KCNC4: variants seen among roughly 807,000 people sequenced by gnomAD.
KCNC4 encodes voltage-gated potassium channel KCNC4.
In KCNC4, 23 loss-of-function variants were observed where a neutral mutation model predicts 42.8. The ratio of observed to expected loss-of-function variants is 0.54; its 90% CI spans 0.39 to 0.76. The LOEUF (loss-of-function observed/expected upper bound fraction) is 0.76, where lower values mean the gene tolerates loss of function less well. Among genes scored for constraint, KCNC4 ranks in the 30% least tolerant of loss-of-function variants. The pLI, the probability that KCNC4 is intolerant of heterozygous loss-of-function variation, is 0.00. For missense variants in KCNC4, 751 were observed against 898.2 expected, an observed-to-expected ratio of 0.84 and a Z score of 2.10; for synonymous variants, 422 against 393.5, an observed-to-expected ratio of 1.07 and a Z score of -0.86.
chr1:110,210,821 C>A lies in KCNC4; in HGVS notation c.-679C>A, dbSNP rs1014325390. Among the ~76,000 whole-genome samples the A allele has an allele frequency of 6.6e-6, 1 of 151,910 alleles. No homozygotes were observed. The highest frequency in any genetic ancestry group is 1.5e-5 in the Non-Finnish European group (1 of 67,936). Reference sequence around the variant, plus strand: ...CTGCCGCCTCGCCCTGCGCAGCCCCCGCCCGCCCGGCCGCCGCTCTCTGCT... The same window carrying A: ...CTGCCGCCTCGCCCTGCGCAGCCCCAGCCCGCCCGGCCGCCGCTCTCTGCT... On this transcript the variant is annotated 5_prime_UTR_variant, in exon 1 of 4. Transcript: ENST00000438661.
At chr1:110,236,618 A>G (rs1658913549), downstream of KCNC4, 1 of 152,226 alleles carries the variant, frequency 6.6e-6, no homozygotes, top group Non-Finnish European at 1.5e-5. Context: ...GGATTCATTC[A>G]TTAATTAGCA....
In KCNC4 at chr1:110,223,318, T is replaced by G; in HGVS notation, c.1033T>G (p.Phe345Val). Residue 345 changes from phenylalanine to valine, a missense_variant, in exon 2 of 4, where the codon TTC becomes GTC. Transcript: ENST00000438661. This position sits in a 1 kb window ranked among gnomAD's most constrained non-coding sequence, Gnocchi z 7.5. ...SSKAARDVLG[F>V]LRVVRFVRIL... ...CAAGGCGGCCCGCGACGTGCTGGGC[T>G]TCCTGCGCGTGGTGCGCTTCGTGCG... is the stretch of plus-strand genomic sequence containing the variant. 1 of 1,614,072 alleles carries G rather than the reference T, an allele frequency of 6.2e-7. No homozygotes were observed. Among genetic ancestry groups the G allele is most frequent in the Non-Finnish European group, 8.5e-7 (1 of 1,179,994 alleles).
At chr1:110,282,638 A>C (rs1659846719) in exon 2 of KCNC4, 1 of 152,274 alleles carries the variant, frequency 6.6e-6, no homozygotes, top group Non-Finnish European at 1.5e-5. Flanking sequence ...GAGGGATCTC[A>C]TTACAGGCAT....
exon 4 of KCNC4, chr1:110,239,834 A>G (rs2013315): frequency 0.063 from 9,529 of 152,046 alleles, 482 homozygotes; most frequent in Admixed American, 0.16. Flanking sequence ...TTTAGAACCT[A>G]CCATTTTCTA....
Position 110,223,485 on chromosome 1 carries a change from C to T in KCNC4, c.1200C>T (p.Tyr400=). The change falls in exon 2 of 4, where the codon TAC becomes TAT. Residue 400 remains tyrosine, a synonymous_variant. Transcript: ENST00000438661. The surrounding 1 kb of genome is among the most constrained non-coding windows in gnomAD (Gnocchi z 7.5). ...TGCTCATCTTTGCCACCATGATCTA[C>T]TACGCTGAGCGCATTGGGGCCAGGC... is the stretch of plus-strand genomic sequence containing the variant. ...LGVLIFATMI[Y]YAERIGARPS... 6.2e-7 allele frequency: 1 copy of T among 1,613,824 alleles called. No individual in the cohort carries two copies. The highest frequency in any genetic ancestry group is 8.5e-7 in the Non-Finnish European group (1 of 1,180,016).
chr1:110,250,879 G>C (rs1199363124), downstream of KCNC4, among the ~76,000 whole-genome samples: 3 of 152,182 alleles, frequency 2.0e-5, no homozygotes, highest in Admixed American at 6.5e-5. Flanking sequence ...GCAGGTGGCT[G>C]TTCCTGAAGC....
At chr1:110,249,052 C>T (rs1362019056) in exon 4 of KCNC4, 1 of 152,230 alleles carries the variant, frequency 6.6e-6, no homozygotes, top group East Asian at 1.9e-4. Context: ...CTCTCAGGCT[C>T]CCCGCCCTTC....
chr1:110,280,610 T>C (rs1659804953), intron 1 of KCNC4, among the ~76,000 whole-genome samples: 2 of 151,928 alleles, frequency 1.3e-5, no homozygotes, highest in South Asian at 4.2e-4. Context: ...CACCATCGCC[T>C]AGTTATCTAC....
chr1:110,221,911 G>A (rs533671107), intron 1 of KCNC4: 2 of 152,220 alleles, frequency 1.3e-5, no homozygotes, highest in East Asian at 3.9e-4. Flanking sequence ...CTCCATAATT[G>A]GTGTTATTAC....
intron 1 of KCNC4, among the ~76,000 whole-genome samples, chr1:110,212,437 C>G (rs939787439): frequency 6.6e-6 from 1 of 152,164 alleles, no homozygotes; most frequent in Non-Finnish European, 1.5e-5. Context: ...TTTGCCGCAT[C>G]CCCTCCAGTG....
chr1:110,232,971 A>G lies in KCNC4; in HGVS notation c.1880A>G (p.Ter627=). ...YAQAEVLTLS[*] Reference sequence around the variant, plus strand: ...CAGGCTGAAGTCCTCACCCTCTCTTAAAGCGGCACCAACGTGAGAGAGACA... The same window carrying G: ...CAGGCTGAAGTCCTCACCCTCTCTTGAAGCGGCACCAACGTGAGAGAGACA... The change falls in exon 4 of 4, where the codon TAA becomes TGA. Residue 627 remains the stop codon, a stop_retained_variant. Transcript: ENST00000438661. 1 of 1,610,586 alleles carries G rather than the reference A, an allele frequency of 6.2e-7. No individual in the cohort carries two copies. Among genetic ancestry groups the G allele is most frequent in the South Asian group, 1.1e-5 (1 of 89,908 alleles).
intron 1 of KCNC4, among the ~76,000 whole-genome samples, chr1:110,268,965 C>T (rs1200745641): frequency 6.6e-6 from 1 of 152,032 alleles, no homozygotes; most frequent in African/African-American, 2.4e-5. Flanking sequence ...ATCCGCCCGC[C>T]TCGGCCTCCC....
intron 1 of KCNC4, among the ~76,000 whole-genome samples, chr1:110,256,598 C>CT (rs776604879): frequency 6.6e-6 from 1 of 152,192 alleles, no homozygotes; most frequent in Non-Finnish European, 1.5e-5. Flanking sequence ...GACCTGACCA[C>CT]AATGACTTAA....
intron 1 of KCNC4, chr1:110,220,226 G>A (rs1658020284): frequency 6.6e-6 from 1 of 152,244 alleles, no homozygotes; most frequent in Admixed American, 6.5e-5. Context: ...CTCTTCTCAG[G>A]GTGGAGGTGA....
rs374682753 is a variant in KCNC4, at chr1:110,210,557, C to A, written c.-943C>A. On this transcript the variant is annotated 5_prime_UTR_variant, in exon 1 of 4. Coordinates refer to ENST00000438661, the MANE Select transcript of KCNC4 (RefSeq NM_001039574.3). ...GCTGAGGCTCCCTCTCCGCGCGGCC[C>A]GGGAAGCCTGCAGGTGTCCTTGGCC... 2.6e-5 allele frequency among the ~76,000 whole-genome samples: 4 copies of A among 151,562 alleles called. No individual in the cohort carries two copies. The East Asian group carries it at 7.7e-4, about 29-fold the overall frequency.
rs113361995 is a variant in KCNC4, at chr1:110,270,700, G to A, written n.31-11834G>A. ...AAGCAGTATGTGCAAGGGAAACAAG[G>A]CTACAAAGGTGGGAAGGGATTGCCT... On this transcript the variant is annotated intron_variant and non_coding_transcript_variant, in intron 1 of 2. Transcript: ENST00000412512. 9.2e-3 allele frequency among the ~76,000 whole-genome samples: 1,404 copies of A among 152,342 alleles called. 12 individuals carry two copies. Among genetic ancestry groups the A allele is most frequent in the Non-Finnish European group, 0.015 (1,012 of 68,032 alleles).
chr1:110,257,984 G>A (rs991481232), intron 1 of KCNC4, among the ~76,000 whole-genome samples: 24 of 152,206 alleles, frequency 1.6e-4, no homozygotes, highest in Non-Finnish European at 3.2e-4. Flanking sequence ...GAGTCTTTCT[G>A]CAATCCCATC....
At chr1:110,251,899 G>A (rs773957484), downstream of KCNC4, among the ~76,000 whole-genome samples, 25 of 152,220 alleles carry the variant, frequency 1.6e-4, no homozygotes, top group Non-Finnish European at 3.4e-4. Flanking sequence ...TTGGTCCAGG[G>A]TCCTTGCTCA....
chr1:110,243,272 C>T (rs1482785157), exon 4 of KCNC4: 1 of 152,242 alleles, frequency 6.6e-6, no homozygotes, highest in East Asian at 1.9e-4. Flanking sequence ...CGAGGCAGGG[C>T]CTTGGGACAC....
Sources: gnomAD v4.1 joint callset for allele counts (sites outside exome capture counted in the v4.1 genomes callset) on GRCh38, gnomAD v4.1.1 for gene constraint, Gnocchi (gnomAD v3.1) non-coding constraint, MANE v1.5 for transcripts, NCBI Gene and HGNC (gene_info 2026-07-23, HGNC 2026-07-21) for gene names.